SLC37A1: variants seen among roughly 807,000 people sequenced by gnomAD.
The protein encoded by SLC37A1 is glucose-6-phosphate exchanger SLC37A1.
Under a neutral mutation model 75.3 loss-of-function variants are expected in SLC37A1, and 49 were observed. The ratio of observed to expected loss-of-function variants is 0.65; its 90% CI spans 0.52 to 0.83. The LOEUF (loss-of-function observed/expected upper bound fraction) is 0.83. SLC37A1 is among the 40% of genes least tolerant of loss of function. SLC37A1 has a pLI of 0.00. For synonymous variants in SLC37A1, 268 were observed against 292.1 expected, an observed-to-expected ratio of 0.92 and a Z score of 0.84; for missense variants, 566 against 695.0, an observed-to-expected ratio of 0.81 and a Z score of 2.09.
At chr21:42,575,553 C>A (rs1601787591) in intron 18 of SLC37A1, 1 of 985,384 alleles carries the variant, frequency 1.0e-6, no homozygotes, top group Non-Finnish European at 1.2e-6. Context: ...TAAGGAAGAC[C>A]AGTGATGATG....
At chr21:42,571,028 C>T (rs2056149944) in intron 17 of SLC37A1, among the ~76,000 whole-genome samples, 1 of 152,250 alleles carries the variant, frequency 6.6e-6, no homozygotes, top group South Asian at 2.1e-4. Context: ...CCTCCAGGCT[C>T]CACTGCCCAT....
chr21:42,511,062 A>G (rs1043132404), upstream of SLC37A1, among the ~76,000 whole-genome samples: 2 of 152,262 alleles, frequency 1.3e-5, no homozygotes, highest in Admixed American at 1.3e-4. Flanking sequence ...TACACAGAAC[A>G]TTCTCTAGGA....
rs748965581 is a variant in SLC37A1, at chr21:42,568,368, T to G, written c.1353T>G (p.His451Gln). 2.5e-6 allele frequency: 4 copies of G among 1,613,952 alleles called. No individual in the cohort carries two copies. Among genetic ancestry groups the G allele is most frequent in the African/African-American group, 2.7e-5 (2 of 74,920 alleles). The change falls in exon 17 of 20, where the codon CAT becomes CAG. Residue 451 changes from histidine (H) to glutamine (Q), a missense_variant. Physicochemically the swap from His to Gln is conservative, Grantham distance 24. Transcript: ENST00000352133. ...TTTTTCCTCTCTTCTAGGGGACTCA[T>G]AAAAGTCTGAAAGGCAACGCGCACG... ...TTAVSADLGT[H>Q]KSLKGNAHAL...
intron 2 of SLC37A1, among the ~76,000 whole-genome samples, chr21:42,523,518 C>G (rs1555880717): frequency 6.6e-6 from 1 of 152,272 alleles, no homozygotes; most frequent in Non-Finnish European, 1.5e-5. Context: ...ATCCAAAGCG[C>G]TGAGACTTTC....
chr21:42,516,672 T>C (rs1452053119), intron 1 of SLC37A1, among the ~76,000 whole-genome samples: 1 of 152,256 alleles, frequency 6.6e-6, no homozygotes, highest in Non-Finnish European at 1.5e-5. Context: ...AAGAGGTTTT[T>C]TTTCCCTTCT....
At chr21:42,523,561 A>G (rs1204247353) in intron 2 of SLC37A1, among the ~76,000 whole-genome samples, 1 of 152,254 alleles carries the variant, frequency 6.6e-6, no homozygotes, top group Non-Finnish European at 1.5e-5. Flanking sequence ...TTTCAGAAAC[A>G]CGAGGACAGA....
chr21:42,506,058 G>A (rs1034812331), intron 2 of SLC37A1, among the ~76,000 whole-genome samples: 6 of 152,174 alleles, frequency 3.9e-5, no homozygotes, highest in African/African-American at 1.2e-4. Context: ...GGCAGTAAGA[G>A]GATTCCCTTG....
At chr21:42,532,187 C>G (rs2055002989) in intron 3 of SLC37A1, among the ~76,000 whole-genome samples, 1 of 152,136 alleles carries the variant, frequency 6.6e-6, no homozygotes, top group Admixed American at 6.5e-5. Flanking sequence ...GTGAGACCCC[C>G]ACTCATTACA....
intron 18 of SLC37A1, 106 bp from the exon 19 acceptor site, chr21:42,579,630 G>A (rs2056379287): frequency 5.6e-6 from 5 of 887,060 alleles, no homozygotes; most frequent in Middle Eastern, 6.7e-4. Context: ...TGTGGGGAGA[G>A]AGCCACCCGC....
chr21:42,527,425 G>A (rs962705525), intron 3 of SLC37A1, among the ~76,000 whole-genome samples: 2 of 152,104 alleles, frequency 1.3e-5, no homozygotes, highest in Admixed American at 6.5e-5. Context: ...GTGTAGTGGT[G>A]TCCAGGCCAC....
At chr21:42,572,562 C>A (rs966952331) in intron 17 of SLC37A1, among the ~76,000 whole-genome samples, 28 of 151,342 alleles carry the variant, frequency 1.9e-4, no homozygotes, top group Admixed American at 4.0e-4. Context: ...TTTTACTTTT[C>A]CTGCCATATT....
chr21:42,556,829 T>A (rs532576581), intron 10 of SLC37A1, among the ~76,000 whole-genome samples: 1 of 151,966 alleles, frequency 6.6e-6, no homozygotes, highest in South Asian at 2.1e-4. Context: ...CTCTTTCCCA[T>A]CTCCTCCAGG....
chr21:42,546,397 A>T (rs770782530), intron 8 of SLC37A1, among the ~76,000 whole-genome samples: 4 of 152,156 alleles, frequency 2.6e-5, no homozygotes, highest in Admixed American at 1.3e-4. Flanking sequence ...AATGAATTTC[A>T]TAACATGAAA....
intron 3 of SLC37A1, among the ~76,000 whole-genome samples, chr21:42,530,655 C>CACACACACACACACACACA (rs1491531929): frequency 3.1e-4 from 8 of 25,872 alleles, no homozygotes; most frequent in East Asian, 7.8e-4. Flanking sequence ...CACACACACA[C>CACACACACACACACACACA]CCCCTCTGTG....
At chr21:42,501,333 C>T (rs1418932584) in intron 1 of SLC37A1, among the ~76,000 whole-genome samples, 3 of 152,072 alleles carry the variant, frequency 2.0e-5, no homozygotes, top group Non-Finnish European at 2.9e-5. Context: ...TCTTCTAGGT[C>T]GAGTACTAGG....
intron 17 of SLC37A1, among the ~76,000 whole-genome samples, 176 bp from the exon 18 acceptor site, chr21:42,574,642 A>G (rs578127873): frequency 5.9e-4 from 89 of 152,074 alleles, no homozygotes; most frequent in African/African-American, 2.1e-3. Context: ...GGAAGGCTCA[A>G]CCTATACTAG....
intron 3 of SLC37A1, among the ~76,000 whole-genome samples, chr21:42,532,503 T>C (rs2055014770): frequency 6.6e-6 from 1 of 152,166 alleles, no homozygotes; most frequent in African/African-American, 2.4e-5. Flanking sequence ...CCTTTGGGCG[T>C]GGCCAGATTG....
At chr21:42,573,722 A>G (rs956549436) in intron 17 of SLC37A1, among the ~76,000 whole-genome samples, 3 of 152,162 alleles carry the variant, frequency 2.0e-5, no homozygotes, top group Non-Finnish European at 2.9e-5. Flanking sequence ...CTTACCTCTC[A>G]GAGTTGAATA....
intron 2 of SLC37A1, 111 bp downstream of exon 2, chr21:42,518,621 A>G (rs1601661893): frequency 3.3e-6 from 4 of 1,208,144 alleles, no homozygotes; most frequent in East Asian, 5.1e-5. Flanking sequence ...AACTTGAATC[A>G]CTGACCTCAC....
Sources: allele counts gnomAD v4.1 joint callset (sites outside exome capture counted in the v4.1 genomes callset), GRCh38; gene constraint gnomAD v4.1.1; transcripts MANE v1.5; gene names NCBI Gene and HGNC (gene_info 2026-07-23, HGNC 2026-07-21).